Variants in PKD1L1 observed in about 807,000 individuals in gnomAD.
PKD1L1 encodes polycystin 1 like 1, transient receptor potential channel interacting, also known as polycystin-1-like protein 1.
Under a neutral mutation model 323.4 loss-of-function variants are expected in PKD1L1, and 236 were observed. The observed-to-expected ratio is 0.73, with a 90% CI of 0.66 to 0.81. The LOEUF (loss-of-function observed/expected upper bound fraction) is 0.81. Ranked by LOEUF, PKD1L1 falls within the 40% of genes least tolerant of loss-of-function variation. PKD1L1 has a pLI of 0.00. For synonymous variants in PKD1L1, 1,344 were observed against 1,335.0 expected (o/e 1.01, Z -0.15); for missense variants, 3,320 against 3,508.0 (o/e 0.95, Z 1.35).
Position 47,937,950 on chromosome 7 carries a change from G to A in PKD1L1, c.286-992C>T, listed in dbSNP as rs146872178. 1.1e-3 allele frequency among the ~76,000 whole-genome samples: 160 copies of A among 152,130 alleles called. 1 individual carries two copies. The highest frequency in any genetic ancestry group is 3.6e-3 in the African/African-American group (150 of 41,520). On this transcript the variant is annotated intron_variant, in intron 3 of 56. Transcript: ENST00000289672. ...ACCAGGAAAGCAGGGAGGTGCCCAC[G>A]GCACAGGAGGAGGGGGGACACTTTT...
At position 47,836,946 on chromosome 7, in the gene PKD1L1, A is replaced by G. The variant is rs143797787; in HGVS notation, c.5918T>C (p.Leu1973Pro). ...CTGCTCTTGCCCTCCAGCAGCAACC[A>G]GGGCAGTGAGACACGCGTAGACGCA... ...LLCVYACLTA[L>P]VAAGGQEQPH... Residue 1973 changes from leucine to proline, a missense_variant, in exon 37 of 57, where the codon CTG becomes CCG. Coordinates refer to ENST00000289672, the MANE Select transcript of PKD1L1 (RefSeq NM_138295.5). 6.2e-6 allele frequency: 10 copies of G among 1,614,118 alleles called. No individual in the cohort carries two copies. The Admixed American group carries it at 1.2e-4, about 19-fold the overall frequency.
chr7:47,942,367 A>G (rs546927290), intron 2 of PKD1L1, among the ~76,000 whole-genome samples: 1 of 152,302 alleles, frequency 6.6e-6, no homozygotes, highest in African/African-American at 2.4e-5. Context: ...TGATCTTAAC[A>G]TAAGAATTGC....
chr7:47,863,357 G>C (rs1334062797), intron 26 of PKD1L1, among the ~76,000 whole-genome samples: 1 of 152,050 alleles, frequency 6.6e-6, no homozygotes, highest in Non-Finnish European at 1.5e-5. Flanking sequence ...GTCAGCTTTG[G>C]GTTGGAGGTG....
chr7:47,825,550 A>G (rs1360101750), intron 45 of PKD1L1, among the ~76,000 whole-genome samples: 1 of 151,926 alleles, frequency 6.6e-6, no homozygotes, highest in East Asian at 1.9e-4. Flanking sequence ...AAAAAAAAGA[A>G]TATTAAAACT....
intron 26 of PKD1L1, among the ~76,000 whole-genome samples, chr7:47,862,191 T>C (rs983077280): frequency 6.6e-6 from 1 of 151,426 alleles, no homozygotes; most frequent in African/African-American, 2.4e-5. Context: ...TGAGACTCTG[T>C]CTGAAAAAAA....
Position 47,803,314 on chromosome 7 carries a change from A to C in PKD1L1, c.7858T>G (p.Phe2620Val), listed in dbSNP as rs767311484. The stretch of plus-strand genomic sequence containing the variant: ...TAGACGCATTTTAATGTGAAGAGGA[A>C]TAAGAGGATTCCCCGGAGCCATCGA... ...RARWLRGILLFLFTLKCVYLP... is the reference protein window; with the variant it reads ...RARWLRGILLVLFTLKCVYLP... The change falls in exon 53 of 57, where the codon TTC (phenylalanine) becomes GTC (valine). Residue 2620 changes from phenylalanine (F) to valine (V), a missense_variant. Physicochemically the swap from Phe to Val is conservative, Grantham distance 50. Transcript: ENST00000289672. The C allele has an allele frequency of 2.2e-5, 36 of 1,614,086 alleles. No homozygotes were observed. Among genetic ancestry groups the C allele is most frequent in the Non-Finnish European group, 3.0e-5 (35 of 1,180,006 alleles).
chr7:47,842,875 A>G (rs1940541347), intron 34 of PKD1L1, 87 bp downstream of exon 34: 3 of 1,272,124 alleles, frequency 2.4e-6, no homozygotes, highest in Non-Finnish European at 3.3e-6. Flanking sequence ...CAGGTGACAG[A>G]CGGGGCAGCC....
chr7:47,779,986 C>G (rs1281781344), intron 56 of PKD1L1, among the ~76,000 whole-genome samples: 1 of 152,050 alleles, frequency 6.6e-6, no homozygotes, highest in African/African-American at 2.4e-5. Context: ...CCATTTTCAA[C>G]TTATTGTAAT....
chr7:47,881,946 C>G lies in PKD1L1; in HGVS notation c.3405G>C (p.Leu1135=). 6.2e-7 allele frequency: 1 copy of G among 1,610,808 alleles called. No homozygotes were observed. Among genetic ancestry groups the G allele is most frequent in the Non-Finnish European group, 8.5e-7 (1 of 1,179,028 alleles). The change falls in exon 20 of 57, where the codon CTG becomes CTC. Residue 1135 remains leucine (L), a synonymous_variant. Coordinates refer to ENST00000289672, the MANE Select transcript of PKD1L1 (RefSeq NM_138295.5). ...AGCCTTGGAAAACTGCTCGACCCAGCAGGGCCTTGGGCCAGTCAATCATGA... is the reference window on the plus strand; with the variant it reads ...AGCCTTGGAAAACTGCTCGACCCAGGAGGGCCTTGGGCCAGTCAATCATGA... The part of the protein sequence containing the change: ...PVLMIDWPKA[L]LGRAVFQGYS...
chr7:47,923,540 A>AT (rs1431639227), intron 7 of PKD1L1, among the ~76,000 whole-genome samples: 7 of 151,980 alleles, frequency 4.6e-5, no homozygotes, highest in African/African-American at 1.7e-4. Context: ...ATGGAAATAA[A>AT]TTTTAAAAAA....
chr7:47,915,182 G>C (rs557314819), intron 8 of PKD1L1, among the ~76,000 whole-genome samples: 2 of 152,314 alleles, frequency 1.3e-5, no homozygotes, highest in African/African-American at 4.8e-5. Flanking sequence ...GTCCCCAGAG[G>C]CGCGTGGGAA....
intron 26 of PKD1L1, among the ~76,000 whole-genome samples, chr7:47,860,991 G>A (rs910339628): frequency 7.2e-5 from 11 of 152,164 alleles, no homozygotes; most frequent in East Asian, 1.9e-4. Context: ...CCACATGACC[G>A]ACAGGCAGCA....
rs777582396 is a variant in PKD1L1 at position 47,846,995 on chromosome 7, T to C, written c.5037A>G (p.Ala1679=). 2 of 1,613,202 alleles carry C rather than the reference T, an allele frequency of 1.2e-6. No homozygotes were observed. Among genetic ancestry groups the C allele is most frequent in the Non-Finnish European group, 1.7e-6 (2 of 1,179,598 alleles). The stretch of plus-strand genomic sequence containing the variant: ...ACTGGAAATGTACTGTATAGTTCAC[T>C]GCCTTAGCTAAATATCTGTTTGGAG... ...RKPPNRYLAK[A]VNYTVHFQWI... The change falls in exon 32 of 57, where the codon GCA becomes GCG. Residue 1679 remains alanine (A), a synonymous_variant. Transcript: ENST00000289672.
chr7:47,899,784 G>A (rs1206033170), intron 13 of PKD1L1, among the ~76,000 whole-genome samples: 2 of 152,000 alleles, frequency 1.3e-5, no homozygotes, highest in African/African-American at 2.4e-5. Context: ...GTGAAACCCT[G>A]TTTTTACTAA....
chr7:47,937,018 G>A lies in PKD1L1; in HGVS notation c.286-60C>T, dbSNP rs975867568. The A allele has an allele frequency of 2.0e-5, 27 of 1,327,014 alleles. No homozygotes were observed. In the African/African-American group the frequency reaches 4.0e-4, roughly 19 times the overall value. The allele number at this position is 1,327,014 out of a possible 1,614,324, so 82.2% of individuals were successfully genotyped here. A position where few individuals can be genotyped will look rare whatever the true frequency, so the allele number is the denominator to read the frequency against. On this transcript the variant is annotated intron_variant, in intron 3 of 56. Coordinates refer to ENST00000289672, the MANE Select transcript of PKD1L1 (RefSeq NM_138295.5). ...CTGCTTATGAAAACCCAGTACATTT[G>A]GGAAAGTAATATTACTTCATTAACA... is the stretch of plus-strand genomic sequence containing the variant.
At chr7:47,932,991 G>T (rs1465498077) in intron 4 of PKD1L1, among the ~76,000 whole-genome samples, 1 of 152,220 alleles carries the variant, frequency 6.6e-6, no homozygotes, top group African/African-American at 2.4e-5. Context: ...CTCAGCTGAG[G>T]CTCACTGTCC....
At chr7:47,951,300 C>T (rs1291990597), upstream of PKD1L1, among the ~76,000 whole-genome samples, 1 of 152,138 alleles carries the variant, frequency 6.6e-6, no homozygotes, top group South Asian at 2.1e-4. Context: ...AAGGACGGAA[C>T]CCCCTGGCTG....
chr7:47,815,530 G>C, intron 46 of PKD1L1, 73 bp from the exon 47 acceptor site: 1 of 1,514,768 alleles, frequency 6.6e-7, no homozygotes, highest in Non-Finnish European at 9.0e-7. Flanking sequence ...ACAAAAGCAT[G>C]TTTTCTTGCC....
rs372072831 is a variant in PKD1L1, at chr7:47,885,825, C to T, written c.3066G>A (p.Ala1022=). ...PMTGVYWIPP[A]GDSAVLGEAP... ...CCTCCCCCAGGACTGCAGAGTCCCC[C>T]GCAGGAGGAATCCAGTAGACTCCAG... is the stretch of plus-strand genomic sequence containing the variant. Residue 1022 remains alanine (A), a synonymous_variant, in exon 18 of 57, where the codon GCG becomes GCA. Transcript: ENST00000289672. The T allele has an allele frequency of 8.7e-5, 140 of 1,614,056 alleles. No individual in the cohort carries two copies. The highest frequency in any genetic ancestry group is 1.0e-4 in the Non-Finnish European group (121 of 1,180,030).
Sources: allele counts gnomAD v4.1 joint callset (sites outside exome capture counted in the v4.1 genomes callset), GRCh38; gene constraint gnomAD v4.1.1; transcripts MANE v1.5; gene names NCBI Gene and HGNC (gene_info 2026-07-23, HGNC 2026-07-21).